Variants in TRIO observed in about 807,000 individuals in gnomAD.
The protein encoded by TRIO is triple functional domain protein.
TRIO carries 58 observed loss-of-function variants against 351.9 expected under a neutral mutation model. That is an observed-to-expected ratio of 0.16 (90% confidence interval 0.13 to 0.21). TRIO has a LOEUF of 0.21. Ranked by LOEUF, TRIO falls within the 10% of genes least tolerant of loss-of-function variation. The pLI is 1.00. For missense variants in TRIO, 3,201 were observed against 4,027.8 expected (o/e 0.79, Z 5.56); for synonymous variants, 1,758 against 1,595.7 (o/e 1.10, Z -2.42).
chr5:14,464,556 C>T (rs1229379776), intron 36 of TRIO, among the ~76,000 whole-genome samples: 2 of 152,138 alleles, frequency 1.3e-5, no homozygotes, highest in African/African-American at 2.4e-5. Flanking sequence ...ATTTCCTTAC[C>T]TTTCCGTTTG....
chr5:14,227,721 C>T (rs354310), intron 1 of TRIO, among the ~76,000 whole-genome samples: 123,505 of 152,124 alleles, frequency 0.81, 50,652 homozygotes, highest in East Asian at 0.99. Context: ...GCAATTGCAT[C>T]GGGAGGGTTT....
At chr5:14,486,636 A>G (rs568511038) in intron 47 of TRIO, among the ~76,000 whole-genome samples, 2 of 152,300 alleles carry the variant, frequency 1.3e-5, no homozygotes, top group African/African-American at 2.4e-5. Flanking sequence ...GATTGCACGC[A>G]TGGTCTGTGA....
intron 39 of TRIO, 100 bp from the exon 40 acceptor site, chr5:14,473,894 G>T: frequency 4.4e-6 from 5 of 1,123,632 alleles, no homozygotes; most frequent in East Asian, 2.5e-5. Flanking sequence ...ACAAGACAGT[G>T]CATGTGTCCA....
chr5:14,427,463 C>T (rs1174808143), intron 34 of TRIO, among the ~76,000 whole-genome samples: 2 of 152,222 alleles, frequency 1.3e-5, no homozygotes, highest in East Asian at 1.9e-4. Context: ...TCCCAGCCAA[C>T]CCCAGCACGG....
chr5:14,331,616 T>G (rs1740911248), intron 10 of TRIO, among the ~76,000 whole-genome samples: 2 of 152,134 alleles, frequency 1.3e-5, no homozygotes, highest in African/African-American at 4.8e-5. Context: ...GAACCTCATG[T>G]TTAGGTGGTG....
chr5:14,263,531 G>A (rs1399786255), intron 1 of TRIO, among the ~76,000 whole-genome samples: 1 of 152,292 alleles, frequency 6.6e-6, no homozygotes, highest in East Asian at 1.9e-4. Flanking sequence ...TTCGTGAGCA[G>A]ATTGATACAA....
intron 55 of TRIO, among the ~76,000 whole-genome samples, chr5:14,506,106 T>C (rs899416510): frequency 6.6e-6 from 1 of 152,206 alleles, no homozygotes; most frequent in African/African-American, 2.4e-5. Context: ...GTCTCCTTTC[T>C]GGCTCCAGAC....
intron 21 of TRIO, among the ~76,000 whole-genome samples, chr5:14,382,221 T>C (rs1334894717): frequency 6.6e-6 from 1 of 152,262 alleles, no homozygotes; most frequent in East Asian, 1.9e-4. Flanking sequence ...GGTTATCTCC[T>C]GTGGCCCCTA....
intron 25 of TRIO, among the ~76,000 whole-genome samples, chr5:14,389,612 A>G (rs988880282): frequency 6.6e-6 from 1 of 152,250 alleles, no homozygotes; most frequent in Non-Finnish European, 1.5e-5. Context: ...TTCTACAGAA[A>G]TAAGATCAGG....
intron 36 of TRIO, among the ~76,000 whole-genome samples, 157 bp from the exon 37 acceptor site, chr5:14,465,388 G>A (rs1052861686): frequency 4.6e-5 from 7 of 152,162 alleles, no homozygotes; most frequent in African/African-American, 1.2e-4. Flanking sequence ...AAATTCAAAA[G>A]GATGACTTTA....
chr5:14,275,390 G>A (rs154150), intron 2 of TRIO, among the ~76,000 whole-genome samples: 22,761 of 151,984 alleles, frequency 0.15, 2,045 homozygotes, highest in East Asian at 0.38. Flanking sequence ...TTGAAACCTG[G>A]AATCATTTGT....
chr5:14,256,076 T>A (rs541309156), intron 1 of TRIO, among the ~76,000 whole-genome samples: 1 of 152,312 alleles, frequency 6.6e-6, no homozygotes, highest in South Asian at 2.1e-4. Context: ...AAGAGGTTTA[T>A]TTTGGCTCAT....
chr5:14,229,608 G>A (rs181385137), intron 1 of TRIO, among the ~76,000 whole-genome samples: 1 of 152,288 alleles, frequency 6.6e-6, no homozygotes, highest in African/African-American at 2.4e-5. Context: ...GTACCATTAG[G>A]AAGACAACGT....
chr5:14,482,933 T>C (rs1275537605), intron 46 of TRIO, among the ~76,000 whole-genome samples, 160 bp downstream of exon 46: 3 of 152,262 alleles, frequency 2.0e-5, no homozygotes, highest in African/African-American at 4.8e-5. Flanking sequence ...TTTCTCTTTT[T>C]ACTGTCTGTG....
chr5:14,302,330 A>C (rs572875932), intron 7 of TRIO, among the ~76,000 whole-genome samples: 1 of 152,344 alleles, frequency 6.6e-6, no homozygotes, highest in South Asian at 2.1e-4. Flanking sequence ...GGTGTTCTGC[A>C]GTGGCCATTG....
intron 14 of TRIO, among the ~76,000 whole-genome samples, 180 bp downstream of exon 14, chr5:14,364,107 A>G (rs1744391763): frequency 6.6e-6 from 1 of 152,256 alleles, no homozygotes. Context: ...TAACATGGTT[A>G]GAGTACTCAC....
intron 34 of TRIO, among the ~76,000 whole-genome samples, chr5:14,432,542 G>A (rs1415920980): frequency 6.6e-6 from 1 of 152,214 alleles, no homozygotes; most frequent in Non-Finnish European, 1.5e-5. Context: ...CAGATTTCCA[G>A]TTTGAATTGT....
chr5:14,448,430 GAC>G (rs1214658814), intron 34 of TRIO, among the ~76,000 whole-genome samples: 9 of 152,360 alleles, frequency 5.9e-5, no homozygotes, highest in African/African-American at 2.2e-4. Context: ...AGCAGGCCTA[GAC>G]GTGGCCTTAT....
At chr5:14,289,043 C>T (rs543194215) in intron 4 of TRIO, among the ~76,000 whole-genome samples, 1 of 151,652 alleles carries the variant, frequency 6.6e-6, no homozygotes, top group East Asian at 2.0e-4. Context: ...GGAGTTCGAG[C>T]CCAGCCTGAG....
Sources: allele counts gnomAD v4.1 joint callset (sites outside exome capture counted in the v4.1 genomes callset), GRCh38; gene constraint gnomAD v4.1.1; transcripts MANE v1.5; gene names NCBI Gene and HGNC (gene_info 2026-07-23, HGNC 2026-07-21).